Variants in TDO2 observed in about 807,000 individuals in gnomAD.
TDO2 encodes tryptamin 2,3-dioxygenase.
Under a neutral mutation model 61.2 loss-of-function variants are expected in TDO2, and 63 were observed. That is an observed-to-expected ratio of 1.03 (90% CI 0.84 to 1.27). The LOEUF (loss-of-function observed/expected upper bound fraction) is 1.27, where lower values mean the gene tolerates loss of function less well. TDO2 is among the 50% of genes most tolerant of loss of function. The pLI is 0.00. For synonymous variants in TDO2, 183 were observed against 164.0 expected (o/e 1.12, Z -0.89); for missense variants, 494 against 469.5 (o/e 1.05, Z -0.48).
intron 9 of TDO2, among the ~76,000 whole-genome samples, chr4:155,916,168 T>TA (rs1287351639): frequency 6.4e-5 from 9 of 140,658 alleles, no homozygotes; most frequent in African/African-American, 2.4e-4. Flanking sequence ...AATATCCTTT[T>TA]TTTTTTTTTT....
In TDO2 at chr4:155,907,719, CAG is replaced by C; in HGVS notation, c.233-2_233-1del. On this transcript the variant is annotated splice_acceptor_variant, in intron 3 of 11. Transcript: ENST00000536354. LOFTEE classifies it high-confidence loss of function. The stretch of plus-strand genomic sequence containing the variant: ...CCAACTGACAATGATTTCCTTATTA[CAG>C]CTTATGAACTCTGGTTTAAGCAAAT... 1.2e-6 allele frequency: 2 copies of C among 1,608,946 alleles called. No homozygotes were observed. The highest frequency in any genetic ancestry group is 1.7e-6 in the Non-Finnish European group (2 of 1,177,726).
At chr4:155,904,451 C>T (rs1208869347) in intron 2 of TDO2, among the ~76,000 whole-genome samples, 1 of 152,112 alleles carries the variant, frequency 6.6e-6, no homozygotes, top group East Asian at 1.9e-4. Flanking sequence ...AAATGTCAGC[C>T]TAGATAACTG....
intron 11 of TDO2, among the ~76,000 whole-genome samples, chr4:155,919,427 G>C (rs1452687727): frequency 6.6e-6 from 1 of 152,118 alleles, no homozygotes; most frequent in Non-Finnish European, 1.5e-5. Context: ...ACCCTTCAGG[G>C]CAGTTATTTG....
intron 5 of TDO2, among the ~76,000 whole-genome samples, 168 bp from the exon 6 acceptor site, chr4:155,909,857 T>C (rs71620343): frequency 0.39 from 36,826 of 95,570 alleles, 8,349 homozygotes; most frequent in East Asian, 0.69. Flanking sequence ...TCTTCTCCTC[T>C]CCTCTCCTCT....
In TDO2 at chr4:155,907,770, G is replaced by C; in HGVS notation, c.281G>C (p.Arg94Pro). The C allele has an allele frequency of 2.5e-6, 4 of 1,613,322 alleles. No individual in the cohort carries two copies. The highest frequency in any genetic ancestry group is 2.5e-6 in the Non-Finnish European group (3 of 1,179,634). Residue 94 changes from arginine (R) to proline (P), a missense_variant, in exon 4 of 12, where the codon CGA becomes CCA. Arg to Pro is a moderately radical substitution (Grantham distance 103). Coordinates refer to ENST00000536354, the MANE Select transcript of TDO2 (RefSeq NM_005651.4). Reference protein sequence around the residue: ...KQILWELDSVREIFQNGHVRD... With the variant: ...KQILWELDSVPEIFQNGHVRD... The stretch of plus-strand genomic sequence containing the variant: ...ATCCTCTGGGAGTTGGATTCTGTTC[G>C]AGAGATCTTTCAGAATGGCCATGTA...
intron 5 of TDO2, among the ~76,000 whole-genome samples, chr4:155,909,500 T>C (rs1742778801): frequency 6.6e-6 from 1 of 152,102 alleles, no homozygotes; most frequent in South Asian, 2.1e-4. Flanking sequence ...AAACTTCCAT[T>C]GGGTGTAGGA....
intron 5 of TDO2, 90 bp downstream of exon 5, chr4:155,909,104 G>A: frequency 7.4e-7 from 1 of 1,345,414 alleles, no homozygotes; most frequent in Non-Finnish European, 9.8e-7. Context: ...TTTGTGCCAT[G>A]AGGAGCCTGT....
chr4:155,917,283 C>A, intron 9 of TDO2, 112 bp from the exon 10 acceptor site: 2 of 806,914 alleles, frequency 2.5e-6, no homozygotes, highest in Non-Finnish European at 3.8e-6. Context: ...CAGCTCCTCA[C>A]AGGCAAAGCT....
rs1157637980 is a variant in TDO2, at chr4:155,905,154, C to G, written c.229C>G (p.Gln77Glu). 6.3e-7 allele frequency: 1 copy of G among 1,581,076 alleles called. No homozygotes were observed. Among genetic ancestry groups the G allele is most frequent in the Admixed American group, 1.8e-5 (1 of 55,150 alleles). ...HDEHLFIITH[Q>E]AYELWFKQIL... ...TGAACATCTTTTTATCATAACTCATCAAGGTAAGTTGCACAAAGGTTTTGG... is the reference window on the plus strand; with the variant it reads ...TGAACATCTTTTTATCATAACTCATGAAGGTAAGTTGCACAAAGGTTTTGG... Residue 77 changes from glutamine to glutamate, a missense_variant, in exon 3 of 12, where the codon CAA (glutamine) becomes GAA (glutamate). By Grantham distance (29) the Gln-to-Glu change is conservative. Coordinates refer to ENST00000536354, the MANE Select transcript of TDO2 (RefSeq NM_005651.4).
chr4:155,904,195 G>C, intron 2 of TDO2, 72 bp downstream of exon 2: 2 of 1,122,168 alleles, frequency 1.8e-6, no homozygotes, highest in Admixed American at 4.6e-5. Context: ...GACTTTTTAT[G>C]ATTTTATTTC....
Position 155,920,081 on chromosome 4 carries a change from T to C in TDO2, c.*91T>C. 8.2e-7 allele frequency: 1 copy of C among 1,219,996 alleles called. No homozygotes were observed. The highest frequency in any genetic ancestry group is 1.3e-5 in the South Asian group (1 of 75,144). The allele number at this position is 1,219,996 out of a possible 1,614,324, so 75.6% of individuals were successfully genotyped here. ...CATAAATACAGTTTGAATATATGTATGCATATATTGTTCAGCACCACGATG... is the reference window on the plus strand; with the variant it reads ...CATAAATACAGTTTGAATATATGTACGCATATATTGTTCAGCACCACGATG... On this transcript the variant is annotated 3_prime_UTR_variant, in exon 12 of 12. Transcript: ENST00000536354.
At chr4:155,905,770 C>T (rs981972403) in intron 3 of TDO2, 1 of 152,166 alleles carries the variant, frequency 6.6e-6, no homozygotes, top group African/African-American at 2.4e-5. Flanking sequence ...TACCACTATA[C>T]TGACCTCTTA....
chr4:155,903,933 C>T, intron 1 of TDO2, 85 bp from the exon 2 acceptor site: 1 of 1,492,518 alleles, frequency 6.7e-7, no homozygotes. Context: ...AGAAAATTTG[C>T]AATGAGAATT....
In TDO2 at chr4:155,914,325, T is replaced by C. The variant is rs375581056; in HGVS notation, c.729T>C (p.Ala243=). The C allele has an allele frequency of 6.2e-7, 1 of 1,604,270 alleles. No homozygotes were observed. Among genetic ancestry groups the C allele is most frequent in the Non-Finnish European group, 8.5e-7 (1 of 1,177,218 alleles). ...TTAATGCCATATTTTTCCTAAAGGC[T>C]AAAGAAGAGTCTGAAGAAAAAGAGG... ...GLEEEFIRIQ[A]KEESEEKEEQ... is the part of the protein sequence containing the mutation. The change falls in exon 8 of 12, where the codon GCT becomes GCC. Residue 243 remains alanine (A), a splice_region_variant and synonymous_variant. Transcript: ENST00000536354.
At chr4:155,919,685 C>T (rs896449530) in intron 11 of TDO2, 152 bp from the exon 12 acceptor site, 31 of 621,316 alleles carry the variant, frequency 5.0e-5, no homozygotes, top group Non-Finnish European at 7.1e-5. Flanking sequence ...CTACATAATA[C>T]CTAATTTAAT....
Position 155,916,390 on chromosome 4 carries a change from G to A in TDO2, c.896+478G>A, listed in dbSNP as rs189376412. Among the ~76,000 whole-genome samples the A allele has an allele frequency of 0.011, 103 of 9,432 alleles. 2 individuals are homozygous for A. The Admixed American group carries it at 0.11, about 11-fold the overall frequency. The allele number at this position is 9,432 out of a possible 152,430, so 6.2% of individuals were successfully genotyped here. On this transcript the variant is annotated intron_variant, in intron 9 of 11. Transcript: ENST00000536354. ...TCACCGTGTTAGCCAGGATGGTCTC[G>A]ATCTCCTGACCTCGTGATCGGCCCG...
rs968318649 is a variant in TDO2, at chr4:155,916,395, C to G, written c.896+483C>G. 4.2e-4 allele frequency among the ~76,000 whole-genome samples: 3 copies of G among 7,134 alleles called. 1 individual carries two copies. The highest frequency in any genetic ancestry group is 6.6e-4 in the African/African-American group (3 of 4,558). The allele number at this position is 7,134 out of a possible 152,430, so 4.7% of individuals were successfully genotyped here. A position where few individuals can be genotyped will look rare whatever the true frequency, so the allele number is the denominator to read the frequency against. On this transcript the variant is annotated intron_variant, in intron 9 of 11. Coordinates refer to ENST00000536354, the MANE Select transcript of TDO2 (RefSeq NM_005651.4). ...GTGTTAGCCAGGATGGTCTCGATCT[C>G]CTGACCTCGTGATCGGCCCGCCTCG... is the stretch of plus-strand genomic sequence containing the variant.
At chr4:155,916,837 A>C (rs944283536) in intron 9 of TDO2, among the ~76,000 whole-genome samples, 1 of 152,208 alleles carries the variant, frequency 6.6e-6, no homozygotes, top group East Asian at 1.9e-4. Context: ...CTTTCTTCAA[A>C]ATGGCAACAT....
Position 155,903,796 on chromosome 4 carries a change from G to A in TDO2, c.35+3G>A, listed in dbSNP as rs754285981. ...CCATTTTTAGGAAACAACTTTGGGT[G>A]AGTATTTACCTTTATTCTAAGTGGG... On this transcript the variant is annotated splice_donor_region_variant and intron_variant, in intron 1 of 11. Transcript: ENST00000536354. 3 of 1,614,148 alleles carry A rather than the reference G, an allele frequency of 1.9e-6. No homozygotes were observed. Among genetic ancestry groups the A allele is most frequent in the Admixed American group, 1.7e-5 (1 of 60,008 alleles).
Sources: allele counts gnomAD v4.1 joint callset (sites outside exome capture counted in the v4.1 genomes callset), GRCh38; gene constraint gnomAD v4.1.1; transcripts MANE v1.5; gene names NCBI Gene and HGNC (gene_info 2026-07-23, HGNC 2026-07-21).